IPO5: variants seen among roughly 807,000 people sequenced by gnomAD.
The protein encoded by IPO5 is importin-5.
In IPO5, 18 loss-of-function variants were observed where a neutral mutation model predicts 143.3. The ratio of observed to expected loss-of-function variants is 0.13; its 90% CI spans 0.09 to 0.19. The LOEUF (loss-of-function observed/expected upper bound fraction) is 0.19, where lower values mean the gene tolerates loss of function less well. Among genes scored for constraint, IPO5 ranks in the 10% least tolerant of loss-of-function variants. IPO5 has a pLI of 1.00. For missense variants in IPO5, 1,013 were observed against 1,336.9 expected (o/e 0.76, Z 3.78); for synonymous variants, 477 against 465.7 (o/e 1.02, Z -0.31).
rs200549501 is a variant in IPO5, at chr13:97,982,541, A to T, written c.129A>T (p.Thr43=). ...YENIPGQSKI[T]FLLQAIRNTT... is the part of the protein sequence containing the mutation. ...ATATCCCAGGCCAGTCAAAGATCAC[A>T]TTCCTCTTACAAGCCATCAGAAATA... Residue 43 remains threonine, a synonymous_variant, in exon 5 of 29, where the codon ACA becomes ACT. Transcript: ENST00000651721. The T allele has an allele frequency of 3.0e-5, 49 of 1,613,214 alleles. No individual in the cohort carries two copies. In the East Asian group the frequency reaches 1.0e-3, roughly 35 times the overall value.
chr13:97,991,704 T>C (rs1416404237), intron 9 of IPO5, among the ~76,000 whole-genome samples: 1 of 152,210 alleles, frequency 6.6e-6, no homozygotes, highest in Non-Finnish European at 1.5e-5. Context: ...CCTGTATGTA[T>C]CCATTCTTGA....
At chr13:97,955,873 T>C (rs1884419498) in intron 2 of IPO5, among the ~76,000 whole-genome samples, 1 of 152,212 alleles carries the variant, frequency 6.6e-6, no homozygotes, top group South Asian at 2.1e-4. Context: ...GGCTCATGCC[T>C]GTAATCCCAG....
intron 25 of IPO5, among the ~76,000 whole-genome samples, chr13:98,017,093 TAA>T (rs943139118): frequency 6.6e-6 from 1 of 151,886 alleles, no homozygotes; most frequent in African/African-American, 2.4e-5. Flanking sequence ...GAAAGATATA[TAA>T]GTGATTTTTT....
intron 9 of IPO5, among the ~76,000 whole-genome samples, chr13:97,991,534 A>C (rs1887805943): frequency 6.6e-6 from 1 of 152,232 alleles, no homozygotes; most frequent in Non-Finnish European, 1.5e-5. Flanking sequence ...TCGGATCTCA[A>C]AATCTTTTCA....
At chr13:98,020,914 G>A in intron 27 of IPO5, 78 bp from the exon 28 acceptor site, 1 of 1,119,376 alleles carries the variant, frequency 8.9e-7, no homozygotes, top group Non-Finnish European at 1.3e-6. Flanking sequence ...AATTTAAAAG[G>A]CCATTGATTT....
At position 98,011,272 on chromosome 13, in the gene IPO5, G is replaced by GT. The variant is rs530076347; in HGVS notation, c.2056-966dup. Among the ~76,000 whole-genome samples, 858 of 151,424 alleles carry GT rather than the reference G, an allele frequency of 5.7e-3. 4 individuals carry two copies. Among genetic ancestry groups the GT allele is most frequent in the Non-Finnish European group, 7.1e-3 (481 of 67,826 alleles). On this transcript the variant is annotated intron_variant, in intron 20 of 28. Transcript: ENST00000651721. The stretch of plus-strand genomic sequence containing the variant: ...AGAATGAAACAATTGGGTTTTTGGG[G>GT]TTTTTTTTGTTTGTTTGTTTGTTTG...
chr13:98,008,329 T>G (rs1889431739), intron 18 of IPO5, among the ~76,000 whole-genome samples, 187 bp downstream of exon 18: 1 of 152,218 alleles, frequency 6.6e-6, no homozygotes, highest in African/African-American at 2.4e-5. Context: ...TGTAGGTTGC[T>G]CTTGCTTTCT....
chr13:98,015,433 CTGTGTTCATTTTTCCA>C (rs1890061987), intron 22 of IPO5, 81 bp from the exon 23 acceptor site: 4 of 692,998 alleles, frequency 5.8e-6, no homozygotes, highest in Non-Finnish European at 1.0e-5. Context: ...GGATACTGAA[CTGTGTTCATTTTTCCA>C]TATGATTCTT....
intron 2 of IPO5, among the ~76,000 whole-genome samples, chr13:97,960,586 T>G (rs1244075984): frequency 6.6e-6 from 1 of 151,596 alleles, no homozygotes; most frequent in African/African-American, 2.4e-5. Context: ...GAGATGGAGT[T>G]TCACCCTTGT....
chr13:97,991,779 T>A (rs958145124), intron 9 of IPO5, among the ~76,000 whole-genome samples: 1 of 152,230 alleles, frequency 6.6e-6, no homozygotes, highest in African/African-American at 2.4e-5. Context: ...AAATAATTTG[T>A]GAGTTAGTTT....
intron 11 of IPO5, 107 bp downstream of exon 11, chr13:97,993,332 C>G: frequency 1.1e-6 from 1 of 912,176 alleles, no homozygotes; most frequent in Non-Finnish European, 1.7e-6. Flanking sequence ...TAATGAATAT[C>G]CTTTTAGAAT....
At chr13:97,999,021 T>C (rs1888535128) in intron 12 of IPO5, among the ~76,000 whole-genome samples, 1 of 152,060 alleles carries the variant, frequency 6.6e-6, no homozygotes, top group Non-Finnish European at 1.5e-5. Context: ...CAGACACCTA[T>C]AATGCCAGCT....
intron 2 of IPO5, among the ~76,000 whole-genome samples, chr13:97,961,581 T>C (rs774702533): frequency 1.3e-5 from 2 of 152,236 alleles, no homozygotes; most frequent in African/African-American, 4.8e-5. Context: ...CACATTCTTG[T>C]CAACACTTGC....
At chr13:98,020,424 A>C (rs547885425) in intron 27 of IPO5, among the ~76,000 whole-genome samples, 133 of 152,334 alleles carry the variant, frequency 8.7e-4, no homozygotes, top group African/African-American at 3.0e-3. Flanking sequence ...TCCACTGACC[A>C]TATCATTAAG....
rs114660498 is a variant in IPO5, at chr13:97,959,790, G to A, written c.-113+5592G>A. Among the ~76,000 whole-genome samples the A allele has an allele frequency of 5.6e-3, 857 of 152,116 alleles. 6 individuals are homozygous for A. The highest frequency in any genetic ancestry group is 0.024 in the Middle Eastern group (7 of 294). ...GACCCCACTCCAAATCCAGTCATTC[G>A]TGATCCCATTATCTTCTTTTTTCAC... On this transcript the variant is annotated intron_variant, in intron 2 of 28. Transcript: ENST00000651721.
chr13:98,011,350 G>C (rs1433532866), intron 20 of IPO5, among the ~76,000 whole-genome samples: 2 of 152,110 alleles, frequency 1.3e-5, no homozygotes, highest in African/African-American at 4.8e-5. Context: ...GAGTACAGTG[G>C]CTTGATCTCA....
chr13:97,954,058 T>C (rs1884294840), intron 1 of IPO5, 61 bp from the exon 2 acceptor site: 3 of 351,288 alleles, frequency 8.5e-6, no homozygotes, highest in Non-Finnish European at 1.7e-5. Flanking sequence ...TGTGGGTTAT[T>C]ATCCTAAAGG....
chr13:97,975,860 C>G, intron 3 of IPO5: 1 of 962,420 alleles, frequency 1.0e-6, no homozygotes, highest in Non-Finnish European at 1.2e-6. Flanking sequence ...GCGGGACAGC[C>G]CCGGGCTGAG....
At chr13:97,987,252 C>CTTTTTTTTTTTTTT (rs34990927) in intron 6 of IPO5, 1 of 141,688 alleles carries the variant, frequency 7.1e-6, no homozygotes, top group African/African-American at 2.6e-5. Context: ...GTAGCCACCA[C>CTTTTTTTTTTTTTT]TTTTTTTTTT....
Sources: allele counts gnomAD v4.1 joint callset (sites outside exome capture counted in the v4.1 genomes callset), GRCh38; gene constraint gnomAD v4.1.1; transcripts MANE v1.5; gene names NCBI Gene and HGNC (gene_info 2026-07-23, HGNC 2026-07-21).